Variants in PEPD observed in about 807,000 individuals in gnomAD.
PEPD encodes peptidase D.
In PEPD, 53 loss-of-function variants were observed where a neutral mutation model predicts 60.7. That is an observed-to-expected ratio of 0.87 (90% CI 0.70 to 1.10). The LOEUF is 1.10. Ranked by LOEUF, PEPD falls within the 50% of genes least tolerant of loss-of-function variation. The pLI, the probability that PEPD is intolerant of heterozygous loss-of-function variation, is 0.00. For missense variants in PEPD, 711 were observed against 711.9 expected (o/e 1.00, Z 0.01); for synonymous variants, 267 against 284.1 (o/e 0.94, Z 0.60).
chr19:33,519,837 G>T (rs999148525), intron 1 of PEPD, among the ~76,000 whole-genome samples: 5 of 152,100 alleles, frequency 3.3e-5, no homozygotes, highest in African/African-American at 1.2e-4. Context: ...AGGCGGAGGC[G>T]GGTGGATCAC....
At chr19:33,412,529 G>A (rs577155740) in intron 10 of PEPD, among the ~76,000 whole-genome samples, 3 of 152,120 alleles carry the variant, frequency 2.0e-5, no homozygotes, top group African/African-American at 4.8e-5. Flanking sequence ...GAGGATCCTC[G>A]CTCCTCTGCC....
intron 7 of PEPD, chr19:33,476,995 A>G (rs1390166325): frequency 6.6e-6 from 1 of 152,128 alleles, no homozygotes; most frequent in Non-Finnish European, 1.5e-5. Flanking sequence ...ACCCAATTCT[A>G]CCATTCTCCT....
At chr19:33,483,023 T>C (rs2145305496) in intron 6 of PEPD, among the ~76,000 whole-genome samples, 1 of 152,334 alleles carries the variant, frequency 6.6e-6, no homozygotes, top group Admixed American at 6.5e-5. Context: ...AGTTTCAACA[T>C]ATTTTAAAGG....
intron 4 of PEPD, among the ~76,000 whole-genome samples, chr19:33,497,262 T>C (rs1298436283): frequency 6.6e-6 from 1 of 152,236 alleles, no homozygotes; most frequent in South Asian, 2.1e-4. Flanking sequence ...TCCTCTTACA[T>C]CTGTCCTGCC....
intron 6 of PEPD, among the ~76,000 whole-genome samples, chr19:33,484,470 C>G (rs773082349): frequency 6.6e-6 from 1 of 152,078 alleles, no homozygotes; most frequent in Non-Finnish European, 1.5e-5. Flanking sequence ...GACAGGCATA[C>G]GCTTGGAAAA....
At chr19:33,459,689 T>C (rs1368541663) in intron 9 of PEPD, among the ~76,000 whole-genome samples, 1 of 151,158 alleles carries the variant, frequency 6.6e-6, no homozygotes, top group Non-Finnish European at 1.5e-5. Context: ...TTTTTTAACA[T>C]GCCTTCAAGA....
intron 1 of PEPD, among the ~76,000 whole-genome samples, chr19:33,518,284 G>A (rs913237467): frequency 2.6e-5 from 4 of 152,174 alleles, no homozygotes; most frequent in Non-Finnish European, 5.9e-5. Flanking sequence ...AAGAGCCAGG[G>A]AAGGCACAGG....
In PEPD at chr19:33,490,070, AAC is replaced by A. The variant is rs749302674; in HGVS notation, c.442-15_442-14del. The A allele has an allele frequency of 6.2e-7, 1 of 1,607,386 alleles. No homozygotes were observed. The highest frequency in any genetic ancestry group is 8.5e-7 in the Non-Finnish European group (1 of 1,174,618). ...TGTTGACGCCACGCTGGGGAGAGAG[AAC>A]ACAGACATGACACACGGGGCCGCAT... On this transcript the variant is annotated splice_polypyrimidine_tract_variant and intron_variant, in intron 5 of 14. Transcript: ENST00000244137.
At chr19:33,466,900 G>A (rs577880683) in intron 7 of PEPD, among the ~76,000 whole-genome samples, 56 of 152,250 alleles carry the variant, frequency 3.7e-4, no homozygotes, top group African/African-American at 1.2e-3. Flanking sequence ...GCTCAAGCCT[G>A]TAATCCCAGC....
chr19:33,509,171 C>T (rs974872638), intron 3 of PEPD, among the ~76,000 whole-genome samples: 5 of 152,176 alleles, frequency 3.3e-5, no homozygotes, highest in South Asian at 2.1e-4. Flanking sequence ...GGATAAAGGT[C>T]GACAATAAAG....
At chr19:33,401,344 G>A (rs1016803174) in intron 12 of PEPD, among the ~76,000 whole-genome samples, 5 of 152,260 alleles carry the variant, frequency 3.3e-5, no homozygotes, top group Non-Finnish European at 5.9e-5. Flanking sequence ...TGAGCGGCAC[G>A]TGAACCTGCT....
chr19:33,412,814 G>C (rs1408545077), intron 10 of PEPD, among the ~76,000 whole-genome samples: 1 of 152,256 alleles, frequency 6.6e-6, no homozygotes, highest in Admixed American at 6.5e-5. Flanking sequence ...CCAGACCCGA[G>C]GGGCAGAGAG....
chr19:33,464,190 G>C (rs1183518255), intron 7 of PEPD, 128 bp from the exon 8 acceptor site: 1 of 728,006 alleles, frequency 1.4e-6, no homozygotes, highest in Non-Finnish European at 2.5e-6. Flanking sequence ...CAAGGCCAGA[G>C]TGGGGCCACC....
rs537774358 is a variant in PEPD, at chr19:33,486,105, G to A, written c.503+3891C>T. 1.6e-4 allele frequency among the ~76,000 whole-genome samples: 25 copies of A among 152,232 alleles called. 1 individual carries two copies. In the South Asian group the frequency reaches 4.4e-3, roughly 27 times the overall value. ...ACCTGCCCTAACGTCTACCTCCTTA[G>A]ATGTTTTCAGAGATCTACCATGTCT... On this transcript the variant is annotated intron_variant, in intron 6 of 14. Coordinates refer to ENST00000244137, the MANE Select transcript of PEPD (RefSeq NM_000285.4).
intron 6 of PEPD, among the ~76,000 whole-genome samples, chr19:33,485,491 T>TTAAAAAAA (rs1457167197): frequency 2.7e-5 from 3 of 110,968 alleles, no homozygotes; most frequent in Non-Finnish European, 5.4e-5. Context: ...AGACTCTGTC[T>TTAAAAAAA]AAAAAAAAAA....
At chr19:33,502,812 C>T (rs1970735737) in intron 3 of PEPD, among the ~76,000 whole-genome samples, 1 of 152,102 alleles carries the variant, frequency 6.6e-6, no homozygotes, top group Non-Finnish European at 1.5e-5. Context: ...CTGTGGAGTG[C>T]ACTTTCATTT....
At chr19:33,459,632 G>A (rs934971501) in intron 9 of PEPD, among the ~76,000 whole-genome samples, 5 of 151,330 alleles carry the variant, frequency 3.3e-5, no homozygotes, top group Admixed American at 6.6e-5. Context: ...CCCAGGCGCC[G>A]CATGAGGGAG....
intron 9 of PEPD, among the ~76,000 whole-genome samples, chr19:33,444,824 C>G (rs1409283111): frequency 6.6e-6 from 1 of 152,106 alleles, no homozygotes; most frequent in South Asian, 2.1e-4. Flanking sequence ...TCTCTCTCCA[C>G]GTGGCAAGTG....
intron 6 of PEPD, among the ~76,000 whole-genome samples, chr19:33,480,379 G>A (rs1384962031): frequency 6.6e-6 from 1 of 152,148 alleles, no homozygotes; most frequent in Admixed American, 6.5e-5. Flanking sequence ...GCACATAACA[G>A]AGCCCTAAGA....
Sources: allele counts gnomAD v4.1 joint callset (sites outside exome capture counted in the v4.1 genomes callset), GRCh38; gene constraint gnomAD v4.1.1; transcripts MANE v1.5; gene names NCBI Gene and HGNC (gene_info 2026-07-23, HGNC 2026-07-21).